Variants in COL27A1 observed in about 807,000 individuals in gnomAD.
COL27A1 encodes collagen alpha-1(XXVII) chain.
A neutral mutation model predicts 251.3 loss-of-function variants in COL27A1; 106 were observed. That is an observed-to-expected ratio of 0.42 (90% confidence interval 0.36 to 0.50). The LOEUF (loss-of-function observed/expected upper bound fraction) is 0.50. COL27A1 is among the 20% of genes least tolerant of loss of function. The pLI, the probability that COL27A1 is intolerant of heterozygous loss-of-function variation, is 0.00. For synonymous variants in COL27A1, 1,000 were observed against 986.3 expected, an observed-to-expected ratio of 1.01 and a Z score of -0.26; for missense variants, 2,325 against 2,522.8, an observed-to-expected ratio of 0.92 and a Z score of 1.68.
chr9:114,155,234 C>A (rs1265313376), upstream of COL27A1, among the ~76,000 whole-genome samples: 8 of 151,972 alleles, frequency 5.3e-5, no homozygotes. This position sits in a 1 kb window ranked among gnomAD's most constrained non-coding sequence, Gnocchi z 5.5. Context: ...CCTACCCCAA[C>A]CCCCCATTGG....
At position 114,160,956 on chromosome 9, in the gene COL27A1, T is replaced by A. The variant is rs1049525768; in HGVS notation, c.63-1759T>A. Reference sequence around the variant, plus strand: ...CAGGGGACCATCACTGGCGTCTGAGTGCTATTTCAGCTGGTTTACATTATG... The same window carrying A: ...CAGGGGACCATCACTGGCGTCTGAGAGCTATTTCAGCTGGTTTACATTATG... On this transcript the variant is annotated intron_variant, in intron 1 of 60. Transcript: ENST00000356083. 1.4e-4 allele frequency among the ~76,000 whole-genome samples: 22 copies of A among 152,258 alleles called. 1 individual carries two copies. Among genetic ancestry groups the A allele is most frequent in the African/African-American group, 4.8e-4 (20 of 41,538 alleles).
Position 114,243,580 on chromosome 9 carries a change from C to A in COL27A1, c.2934+20C>A. The A allele has an allele frequency of 2.5e-6, 4 of 1,606,450 alleles. No homozygotes were observed. Among genetic ancestry groups the A allele is most frequent in the African/African-American group, 2.7e-5 (2 of 74,840 alleles). On this transcript the variant is annotated intron_variant, in intron 23 of 60. Coordinates refer to ENST00000356083, the MANE Select transcript of COL27A1 (RefSeq NM_032888.4). ...GTGAAGGTGAGGGGACCTGGAGATCCCTGGGGACAAGAGGAAAGAGGGGAT... is the reference window on the plus strand; with the variant it reads ...GTGAAGGTGAGGGGACCTGGAGATCACTGGGGACAAGAGGAAAGAGGGGAT...
intron 36 of COL27A1, among the ~76,000 whole-genome samples, chr9:114,274,815 T>TTTATTA (rs138296358): frequency 1.3e-5 from 2 of 151,658 alleles, no homozygotes; most frequent in Non-Finnish European, 2.9e-5. Flanking sequence ...TTACCTACCA[T>TTTATTA]TTATTATTAT....
Position 114,290,557 on chromosome 9 carries a change from C to T in COL27A1, c.4368+226C>T, listed in dbSNP as rs1487376372. ...CCAGCACCCAGAAAGACCTTCCTTTCCTCCCCTGCCTGGTGGATAGGGTTC... is the reference window on the plus strand; with the variant it reads ...CCAGCACCCAGAAAGACCTTCCTTTTCTCCCCTGCCTGGTGGATAGGGTTC... On this transcript the variant is annotated intron_variant, in intron 47 of 60. Coordinates refer to ENST00000356083, the MANE Select transcript of COL27A1 (RefSeq NM_032888.4). This position sits in a 1 kb window ranked among gnomAD's most constrained non-coding sequence, Gnocchi z 4.6. 1.3e-5 allele frequency among the ~76,000 whole-genome samples: 2 copies of T among 152,140 alleles called. No homozygotes were observed. Among genetic ancestry groups the T allele is most frequent in the African/African-American group, 2.4e-5 (1 of 41,404 alleles).
chr9:114,246,869 GAAA>G (rs747281146), intron 24 of COL27A1, among the ~76,000 whole-genome samples: 3 of 137,972 alleles, frequency 2.2e-5, no homozygotes, highest in Admixed American at 7.3e-5. Context: ...TTCCTGATTG[GAAA>G]AAAAAAAAAA....
intron 2 of COL27A1, among the ~76,000 whole-genome samples, chr9:114,164,438 T>C (rs1848693271): frequency 6.6e-6 from 1 of 152,118 alleles, no homozygotes; most frequent in African/African-American, 2.4e-5. Flanking sequence ...CTGCAGATGG[T>C]CTTTGGGGGA....
intron 49 of COL27A1, among the ~76,000 whole-genome samples, chr9:114,293,689 G>A (rs914861820): frequency 1.3e-5 from 2 of 152,096 alleles, no homozygotes; most frequent in African/African-American, 2.4e-5. Context: ...GGGGAGCAAT[G>A]TCACTACAGA....
Position 114,243,711 on chromosome 9 carries a change from A to T in COL27A1, c.2934+151A>T, listed in dbSNP as rs1832918364. 5 of 632,196 alleles carry T rather than the reference A, an allele frequency of 7.9e-6. No individual in the cohort carries two copies. The South Asian group carries it at 9.9e-5, about 12-fold the overall frequency. 39.2% of individuals were successfully genotyped at this position (632,196 alleles called of 1,614,324 possible). ...GAACAAAGTATTGGTAAGGGAGAAAAAAATGGACACAACCTAAGTGTCCAA... is the reference window on the plus strand; with the variant it reads ...GAACAAAGTATTGGTAAGGGAGAAATAAATGGACACAACCTAAGTGTCCAA... On this transcript the variant is annotated intron_variant, in intron 23 of 60. Transcript: ENST00000356083.
chr9:114,184,859 C>T (rs1425559791), intron 5 of COL27A1, among the ~76,000 whole-genome samples: 1 of 152,200 alleles, frequency 6.6e-6, no homozygotes, highest in African/African-American at 2.4e-5. Context: ...GAGAGTTCTG[C>T]TTTGCAGAGG....
chr9:114,186,534 G>A (rs1288013056), intron 5 of COL27A1, among the ~76,000 whole-genome samples: 3 of 152,180 alleles, frequency 2.0e-5, no homozygotes, highest in Non-Finnish European at 4.4e-5. Flanking sequence ...GAGACCCCAC[G>A]ATATGGGGAT....
intron 27 of COL27A1, among the ~76,000 whole-genome samples, chr9:114,253,854 A>G (rs1283928358): frequency 1.3e-5 from 2 of 152,168 alleles, no homozygotes; most frequent in Non-Finnish European, 2.9e-5. Flanking sequence ...TTCACTCTGT[A>G]GTTACTGAGC....
chr9:114,284,476 C>A (rs557746325), intron 40 of COL27A1, among the ~76,000 whole-genome samples: 1 of 152,146 alleles, frequency 6.6e-6, no homozygotes, highest in Admixed American at 6.5e-5. Context: ...AGTCACCCTT[C>A]CAGGTCTGCT....
chr9:114,246,150 A>G (rs1019208849), intron 24 of COL27A1: 12 of 465,934 alleles, frequency 2.6e-5, no homozygotes, highest in Non-Finnish European at 4.1e-5. Flanking sequence ...GCCTGACTCT[A>G]CACACAGGTT....
At chr9:114,229,472 C>T (rs1290605534) in intron 14 of COL27A1, among the ~76,000 whole-genome samples, 2 of 152,176 alleles carry the variant, frequency 1.3e-5, no homozygotes, top group South Asian at 2.1e-4. Context: ...CTCCAGGCAG[C>T]TCCGACAAGA....
At chr9:114,237,814 T>G (rs1487431690) in intron 19 of COL27A1, 99 bp downstream of exon 19, 2 of 938,320 alleles carry the variant, frequency 2.1e-6, no homozygotes, top group Non-Finnish European at 3.5e-6. Flanking sequence ...TTGCTTTAGG[T>G]CACACAGGAT....
intron 36 of COL27A1, 149 bp from the exon 37 acceptor site, chr9:114,275,512 G>C (rs1206653201): frequency 1.7e-6 from 1 of 580,020 alleles, no homozygotes; most frequent in Non-Finnish European, 3.0e-6. Context: ...ACAGCACCCT[G>C]CCTTTTTGGC....
chr9:114,247,526 TGGA>T (rs981417970), intron 24 of COL27A1, among the ~76,000 whole-genome samples: 1 of 152,194 alleles, frequency 6.6e-6, no homozygotes, highest in Non-Finnish European at 1.5e-5. Flanking sequence ...CTGGGATTTA[TGGA>T]GGAGAAGCAC....
At chr9:114,242,551 A>C (rs1832830416) in intron 22 of COL27A1, among the ~76,000 whole-genome samples, 2 of 152,260 alleles carry the variant, frequency 1.3e-5, no homozygotes. Flanking sequence ...TCTCACAGCC[A>C]GGCAGTGGGG....
At chr9:114,286,083 CA>C (rs1827461331) in intron 41 of COL27A1, among the ~76,000 whole-genome samples, 1 of 152,202 alleles carries the variant, frequency 6.6e-6, no homozygotes, top group Admixed American at 6.5e-5. Context: ...AGCTCTCCAA[CA>C]GGTACTTATG....
Sources: gnomAD v4.1 joint callset for allele counts (sites outside exome capture counted in the v4.1 genomes callset) on GRCh38, gnomAD v4.1.1 for gene constraint, Gnocchi (gnomAD v3.1) non-coding constraint, MANE v1.5 for transcripts, NCBI Gene and HGNC (gene_info 2026-07-23, HGNC 2026-07-21) for gene names.